Variants in BBOX1 observed in about 807,000 individuals in gnomAD.
BBOX1 encodes gamma-butyrobetaine hydroxylase 1.
BBOX1 carries 35 observed loss-of-function variants against 41.6 expected under a neutral mutation model. That is an observed-to-expected ratio of 0.84 (90% CI 0.64 to 1.11). BBOX1 has a LOEUF of 1.11. Ranked by LOEUF, BBOX1 falls within the 50% of genes most tolerant of loss-of-function variation. The pLI, the probability that BBOX1 is intolerant of heterozygous loss-of-function variation, is 0.00. For missense variants in BBOX1, 458 were observed against 460.6 expected, an observed-to-expected ratio of 0.99 and a Z score of 0.05; for synonymous variants, 163 against 154.7, an observed-to-expected ratio of 1.05 and a Z score of -0.40.
chr11:27,048,160 C>A (rs765131896), intron 2 of BBOX1, among the ~76,000 whole-genome samples: 6 of 152,034 alleles, frequency 3.9e-5, no homozygotes, highest in Admixed American at 3.9e-4. Context: ...TTCGAATACA[C>A]AAGACAGTAT....
At chr11:27,109,045 T>C (rs1858964284) in intron 5 of BBOX1, among the ~76,000 whole-genome samples, 1 of 152,090 alleles carries the variant, frequency 6.6e-6, no homozygotes, top group Non-Finnish European at 1.5e-5. Flanking sequence ...TCAAAAGTAT[T>C]TGTTGTACTC....
chr11:27,086,835 A>G (rs1174204160), intron 4 of BBOX1, among the ~76,000 whole-genome samples: 2 of 152,126 alleles, frequency 1.3e-5, no homozygotes, highest in African/African-American at 4.8e-5. Context: ...GGGAGGAGGT[A>G]AAAATACTAA....
chr11:27,090,195 A>C (rs1490797318), intron 4 of BBOX1, among the ~76,000 whole-genome samples: 1 of 151,918 alleles, frequency 6.6e-6, no homozygotes, highest in Non-Finnish European at 1.5e-5. Flanking sequence ...CGGAAAATTG[A>C]ATACCTATTG....
intron 8 of BBOX1, among the ~76,000 whole-genome samples, chr11:27,126,581 C>T (rs544979142): frequency 3.3e-5 from 5 of 152,108 alleles, no homozygotes; most frequent in African/African-American, 1.2e-4. Context: ...AATAATGTGG[C>T]ATAAAATACT....
intron 4 of BBOX1, among the ~76,000 whole-genome samples, chr11:27,084,182 C>T (rs993396724): frequency 6.6e-6 from 1 of 152,138 alleles, no homozygotes; most frequent in South Asian, 2.1e-4. Context: ...AGTAGGAAAC[C>T]TCTAAGGTAT....
At chr11:27,078,378 T>C (rs1037915440) in intron 4 of BBOX1, among the ~76,000 whole-genome samples, 2 of 152,174 alleles carry the variant, frequency 1.3e-5, no homozygotes, top group African/African-American at 4.8e-5. Flanking sequence ...AACGTGCAGT[T>C]TTGTTACAAT....
intron 5 of BBOX1, among the ~76,000 whole-genome samples, chr11:27,107,635 A>C (rs553208300): frequency 6.6e-6 from 1 of 152,092 alleles, no homozygotes; most frequent in African/African-American, 2.4e-5. Context: ...GTCTCTAATG[A>C]GGGGTGCATG....
At chr11:27,055,706 C>G in intron 3 of BBOX1, 57 bp downstream of exon 3, 1 of 1,485,960 alleles carries the variant, frequency 6.7e-7, no homozygotes, top group Non-Finnish European at 9.3e-7. Flanking sequence ...TGGGGCTAGT[C>G]AACAATAATT....
chr11:27,106,328 C>T (rs2134073629), intron 5 of BBOX1, among the ~76,000 whole-genome samples: 1 of 151,840 alleles, frequency 6.6e-6, no homozygotes, highest in South Asian at 2.1e-4. Context: ...CATCAGCATG[C>T]TGTATTCAGG....
intron 5 of BBOX1, among the ~76,000 whole-genome samples, chr11:27,104,756 C>T (rs939889793): frequency 6.6e-6 from 1 of 152,164 alleles, no homozygotes; most frequent in Non-Finnish European, 1.5e-5. Context: ...GTTCTCCCAG[C>T]ATGGAGTTTG....
At chr11:27,043,551 G>A (rs1344739322) in intron 2 of BBOX1, among the ~76,000 whole-genome samples, 1 of 149,430 alleles carries the variant, frequency 6.7e-6, no homozygotes, top group Non-Finnish European at 1.5e-5. Context: ...TCTTTCTCTT[G>A]ACTAATTGCC....
intron 2 of BBOX1, among the ~76,000 whole-genome samples, chr11:27,052,178 A>G (rs1851692273): frequency 6.6e-6 from 1 of 152,104 alleles, no homozygotes; most frequent in African/African-American, 2.4e-5. Flanking sequence ...GATATTTCAT[A>G]CAATTGCAAA....
chr11:27,056,484 C>T (rs1193512720), intron 3 of BBOX1, among the ~76,000 whole-genome samples: 1 of 152,012 alleles, frequency 6.6e-6, no homozygotes, highest in Non-Finnish European at 1.5e-5. Flanking sequence ...TCTCAAACTC[C>T]TGACCTTGTG....
chr11:27,110,666 A>G (rs1352687794), intron 5 of BBOX1, among the ~76,000 whole-genome samples: 1 of 151,932 alleles, frequency 6.6e-6, no homozygotes, highest in African/African-American at 2.4e-5. Context: ...CATCTCTGTA[A>G]TAATACTTCT....
In BBOX1 at chr11:27,074,645, T is replaced by C. The variant is rs182550350; in HGVS notation, c.334+17330T>C. Reference sequence around the variant, plus strand: ...TTTAGGGTATCTGGCAGAAGAAATTTCTAAGCAGCAAAGCATTCAAGATGT... The same window carrying C: ...TTTAGGGTATCTGGCAGAAGAAATTCCTAAGCAGCAAAGCATTCAAGATGT... On this transcript the variant is annotated intron_variant, in intron 4 of 8. Coordinates refer to ENST00000263182, the MANE Select transcript of BBOX1 (RefSeq NM_003986.3). 3.7e-3 allele frequency among the ~76,000 whole-genome samples: 564 copies of C among 152,318 alleles called. 2 individuals carry two copies. Among genetic ancestry groups the C allele is most frequent in the Non-Finnish European group, 5.9e-3 (401 of 68,026 alleles).
chr11:27,085,484 C>T (rs1857999403), intron 4 of BBOX1, among the ~76,000 whole-genome samples: 1 of 151,920 alleles, frequency 6.6e-6, no homozygotes, highest in Non-Finnish European at 1.5e-5. Context: ...CCATAACCAG[C>T]ACTCATATAT....
At chr11:27,078,226 T>C (rs777835472) in intron 4 of BBOX1, among the ~76,000 whole-genome samples, 6 of 152,134 alleles carry the variant, frequency 3.9e-5, no homozygotes, top group Non-Finnish European at 5.9e-5. Context: ...CAAATATCAA[T>C]AGGAAAGAAA....
chr11:27,084,881 G>A (rs1857978987), intron 4 of BBOX1, among the ~76,000 whole-genome samples: 1 of 152,148 alleles, frequency 6.6e-6, no homozygotes, highest in Non-Finnish European at 1.5e-5. Context: ...TGAAGCACAT[G>A]TTCAAGGAAG....
intron 4 of BBOX1, among the ~76,000 whole-genome samples, chr11:27,084,034 CCT>C (rs1388124099): frequency 6.6e-6 from 1 of 152,042 alleles, no homozygotes; most frequent in Non-Finnish European, 1.5e-5. Flanking sequence ...GCTAATCTCC[CCT>C]CTCTGCCTGA....
Sources: gnomAD v4.1 joint callset for allele counts (sites outside exome capture counted in the v4.1 genomes callset) on GRCh38, gnomAD v4.1.1 for gene constraint, MANE v1.5 for transcripts, NCBI Gene and HGNC (gene_info 2026-07-23, HGNC 2026-07-21) for gene names.